The following TLE3 variants were observed in gnomAD, a reference collection of about 807,000 sequenced individuals.
TLE3 encodes TLE family member 3, transcriptional corepressor, also known as transducin-like enhancer protein 3.
In TLE3, 14 loss-of-function variants were observed where a neutral mutation model predicts 93.0. The ratio of observed to expected loss-of-function variants is 0.15; its 90% confidence interval spans 0.10 to 0.24. The LOEUF is 0.24. TLE3 is among the 10% of genes least tolerant of loss of function. TLE3 has a pLI of 1.00. For missense variants in TLE3, 693 were observed against 1,046.6 expected (o/e 0.66, Z 4.66); for synonymous variants, 451 against 425.0 (o/e 1.06, Z -0.75).
At position 70,066,208 on chromosome 15, in the gene TLE3, AGCT is replaced by A; in HGVS notation, c.380_382del (p.Gln127del). The A allele has an allele frequency of 1.3e-5, 20 of 1,530,688 alleles. No individual in the cohort carries two copies. The highest frequency in any genetic ancestry group is 9.3e-5 in the East Asian group (4 of 43,124). The allele number at this position is 1,530,688 out of a possible 1,614,324, so 94.8% of individuals were successfully genotyped here. A position where few individuals can be genotyped will look rare whatever the true frequency, so the allele number is the denominator to read the frequency against. On this transcript the variant is annotated inframe_deletion, in exon 7 of 20. Transcript: ENST00000451782. Reference sequence around the variant, plus strand: ...GGCATGGGAGAGGTGCTGCGCCTGGAGCTGCTGCTGCTGCAATGAAGTCGGTGG... The same window carrying A: ...GGCATGGGAGAGGTGCTGCGCCTGGAGCTGCTGCTGCAATGAAGTCGGTGG...
chr15:70,059,162 G>C (rs2141517220), intron 10 of TLE3, among the ~76,000 whole-genome samples: 1 of 152,210 alleles, frequency 6.6e-6, no homozygotes, highest in African/African-American at 2.4e-5. Context: ...CCCCTACCTG[G>C]GATCTTTGGG....
Position 70,066,123 on chromosome 15 carries a change from G to A in TLE3, c.468C>T (p.Ile156=), listed in dbSNP as rs200731412. ...PHPSGLQPPG[I]PPVTGSSSGL... ...CGGAGCTGCTCCCTGTCACTGGGGG[G>A]ATTCCTGGAGGCTGGAGACCTGACG... The change falls in exon 7 of 20, where the codon ATC becomes ATT. Residue 156 remains isoleucine (I), a synonymous_variant. Transcript: ENST00000451782. 5.0e-4 allele frequency: 777 copies of A among 1,563,106 alleles called. 7 individuals carry two copies. The highest frequency in any genetic ancestry group is 6.2e-5 in the Non-Finnish European group (71 of 1,153,570).
rs559083248 is a variant in TLE3 at position 70,058,597 on chromosome 15, C to T, written c.918+66G>A. On this transcript the variant is annotated intron_variant, in intron 11 of 19. Transcript: ENST00000451782. This position sits in a 1 kb window ranked among gnomAD's most constrained non-coding sequence, Gnocchi z 4.1. The stretch of plus-strand genomic sequence containing the variant: ...CCACTCCACCCCTCTGCCTGCCAAT[C>T]GGCACCACCCCAGCTCCAGTCCCTG... 6.3e-5 allele frequency: 95 copies of T among 1,499,104 alleles called. No individual in the cohort carries two copies. Among genetic ancestry groups the T allele is most frequent in the Non-Finnish European group, 8.1e-5 (91 of 1,124,446 alleles). 92.9% of individuals were successfully genotyped at this position (1,499,104 alleles called of 1,614,324 possible). A position where few individuals can be genotyped will look rare whatever the true frequency, so the allele number is the denominator to read the frequency against.
chr15:70,097,019 C>T lies in TLE3; in HGVS notation c.-221G>A. ...AGCAGGCGGCAAAGTCGTCGGCGGG[C>T]GCCGGGGCCGGGCGGCGGGCGCGGG... is the stretch of plus-strand genomic sequence containing the variant. On this transcript the variant is annotated 5_prime_UTR_variant, in exon 1 of 20. Coordinates refer to ENST00000451782, the MANE Select transcript of TLE3 (RefSeq NM_001105192.3). The T allele has an allele frequency of 1.7e-6, 1 of 581,714 alleles. No individual in the cohort carries two copies. The highest frequency in any genetic ancestry group is 2.9e-6 in the Non-Finnish European group (1 of 340,136). The allele number at this position is 581,714 out of a possible 1,614,324, so 36.0% of individuals were successfully genotyped here. A position where few individuals can be genotyped will look rare whatever the true frequency, so the allele number is the denominator to read the frequency against.
Position 70,085,593 on chromosome 15 carries a change from T to A in TLE3, c.234+8939A>T, listed in dbSNP as rs1246998659. On this transcript the variant is annotated intron_variant, in intron 4 of 19. Coordinates refer to ENST00000451782, the MANE Select transcript of TLE3 (RefSeq NM_001105192.3). Reference sequence around the variant, plus strand: ...AGAATAGTGAGAAAACCCAAAAGGCTAAGAGAAAGGGGTATCTAGACACTT... The same window carrying A: ...AGAATAGTGAGAAAACCCAAAAGGCAAAGAGAAAGGGGTATCTAGACACTT... 2.0e-5 allele frequency among the ~76,000 whole-genome samples: 3 copies of A among 152,152 alleles called. No homozygotes were observed. In the East Asian group the frequency reaches 5.8e-4, roughly 29 times the overall value.
At chr15:70,077,933 CAT>C (rs767021878) in intron 4 of TLE3, among the ~76,000 whole-genome samples, 2 of 152,232 alleles carry the variant, frequency 1.3e-5, no homozygotes, top group Admixed American at 6.5e-5. Context: ...CACATTGACA[CAT>C]GTGTGGGGCA....
At chr15:70,089,035 T>C (rs1035899255) in intron 4 of TLE3, among the ~76,000 whole-genome samples, 1 of 152,162 alleles carries the variant, frequency 6.6e-6, no homozygotes, top group Non-Finnish European at 1.5e-5. Context: ...CCACCTCGCC[T>C]CACTTCCCAA....
Position 70,097,073 on chromosome 15 carries a change from C to A in TLE3, c.-275G>T. ...TGTGCGCCTAGGGCTCGGCGGGCAG[C>A]GGCCGGCCGCCTTCCCTGGGCTGCG... On this transcript the variant is annotated 5_prime_UTR_variant, in exon 1 of 20. Coordinates refer to ENST00000451782, the MANE Select transcript of TLE3 (RefSeq NM_001105192.3). 1 of 490,880 alleles carries A rather than the reference C, an allele frequency of 2.0e-6. No homozygotes were observed. The highest frequency in any genetic ancestry group is 3.5e-5 in the South Asian group (1 of 28,790). The allele number at this position is 490,880 out of a possible 1,614,324, so 30.4% of individuals were successfully genotyped here.
At chr15:70,074,283 C>A (rs2057331989) in intron 6 of TLE3, among the ~76,000 whole-genome samples, 1 of 152,206 alleles carries the variant, frequency 6.6e-6, no homozygotes, top group African/African-American at 2.4e-5. Context: ...GAAGATGAGG[C>A]AGATGGCTGA....
intron 19 of TLE3, chr15:70,050,416 A>C: frequency 2.0e-6 from 1 of 490,458 alleles, no homozygotes. Context: ...TTTCAGGTAG[A>C]GCTCCCCTCC....
chr15:70,066,290 G>A lies in TLE3; in HGVS notation c.373-72C>T, dbSNP rs1187475386. 2.3e-6 allele frequency: 3 copies of A among 1,319,714 alleles called. No individual in the cohort carries two copies. The African/African-American group carries it at 4.5e-5, about 20-fold the overall frequency. The allele number at this position is 1,319,714 out of a possible 1,614,324, so 81.8% of individuals were successfully genotyped here. A position where few individuals can be genotyped will look rare whatever the true frequency, so the allele number is the denominator to read the frequency against. ...GGAGGCGTGGCCACCTCAGGAGGGA[G>A]GGAGGGAGTGGCTCTTCCCATTCCT... On this transcript the variant is annotated intron_variant, in intron 6 of 19. Transcript: ENST00000451782.
intron 3 of TLE3, 42 bp from the exon 4 acceptor site, chr15:70,094,618 T>A: frequency 7.1e-7 from 1 of 1,415,082 alleles, no homozygotes; most frequent in Non-Finnish European, 9.5e-7. Context: ...AACACAGAAA[T>A]CTGGTCATTT....
At chr15:70,073,234 C>T (rs1330454565) in intron 6 of TLE3, among the ~76,000 whole-genome samples, 4 of 152,146 alleles carry the variant, frequency 2.6e-5, no homozygotes, top group Non-Finnish European at 5.9e-5. Context: ...AGAGATGAGC[C>T]GGTGTACGTT....
chr15:70,074,415 C>T, intron 6 of TLE3, 118 bp downstream of exon 6: 4 of 1,300,638 alleles, frequency 3.1e-6, no homozygotes, highest in Non-Finnish European at 3.2e-6. Context: ...GAAGCCGGAG[C>T]CCTGGGGCCG....
chr15:70,080,746 C>G (rs922966289), intron 4 of TLE3, among the ~76,000 whole-genome samples: 1 of 152,190 alleles, frequency 6.6e-6, no homozygotes, highest in Non-Finnish European at 1.5e-5. Context: ...TCTCTAACCA[C>G]AGTCTAGTAT....
In TLE3 at chr15:70,067,396, G is replaced by A. The variant is rs752058102; in HGVS notation, c.373-1178C>T. On this transcript the variant is annotated intron_variant, in intron 6 of 19. Coordinates refer to ENST00000451782, the MANE Select transcript of TLE3 (RefSeq NM_001105192.3). ...CTTCCAACCACCTGGCAAGGGAGGG[G>A]TTGTGGCCATTTAATAGATGCTTAG... is the stretch of plus-strand genomic sequence containing the variant. Among the ~76,000 whole-genome samples the A allele has an allele frequency of 5.9e-4, 90 of 152,234 alleles. 1 individual carries two copies. The highest frequency in any genetic ancestry group is 1.2e-3 in the Non-Finnish European group (81 of 68,044).
intron 7 of TLE3, among the ~76,000 whole-genome samples, chr15:70,065,675 A>G (rs2056768185): frequency 6.6e-6 from 1 of 152,200 alleles, no homozygotes; most frequent in Non-Finnish European, 1.5e-5. Flanking sequence ...GAACTTGAAA[A>G]AGCCCCTAGT....
At chr15:70,084,649 A>G (rs147503993) in intron 4 of TLE3, among the ~76,000 whole-genome samples, 206 of 152,310 alleles carry the variant, frequency 1.4e-3, no homozygotes, top group African/African-American at 4.9e-3. Flanking sequence ...TGAATTGGCC[A>G]CTGGTCTGCT....
Position 70,058,513 on chromosome 15 carries a change from T to C in TLE3, c.918+150A>G. 1 of 1,316,600 alleles carries C rather than the reference T, an allele frequency of 7.6e-7. No individual in the cohort carries two copies. The highest frequency in any genetic ancestry group is 1.0e-6 in the Non-Finnish European group (1 of 981,220). The allele number at this position is 1,316,600 out of a possible 1,614,324, so 81.6% of individuals were successfully genotyped here. A position where few individuals can be genotyped will look rare whatever the true frequency, so the allele number is the denominator to read the frequency against. On this transcript the variant is annotated intron_variant, in intron 11 of 19. Transcript: ENST00000451782. This position sits in a 1 kb window ranked among gnomAD's most constrained non-coding sequence, Gnocchi z 4.1. Reference sequence around the variant, plus strand: ...CCGAGGCTCAGAAACGTTAACTCATTAGCACAGGCCCAGCAGGCACAGAAG... The same window carrying C: ...CCGAGGCTCAGAAACGTTAACTCATCAGCACAGGCCCAGCAGGCACAGAAG...
Sources: allele counts gnomAD v4.1 joint callset (sites outside exome capture counted in the v4.1 genomes callset), GRCh38; gene constraint gnomAD v4.1.1; non-coding constraint Gnocchi (gnomAD v3.1); transcripts MANE v1.5; gene names NCBI Gene and HGNC (gene_info 2026-07-23, HGNC 2026-07-21).